EPS15: variants seen among roughly 807,000 people sequenced by gnomAD.
The protein encoded by EPS15 is epidermal growth factor receptor substrate 15.
EPS15 carries 72 observed loss-of-function variants against 113.8 expected under a neutral mutation model. That is an observed-to-expected ratio of 0.63 (90% CI 0.52 to 0.77). The LOEUF (loss-of-function observed/expected upper bound fraction) is 0.77. Ranked by LOEUF, EPS15 falls within the 30% of genes least tolerant of loss-of-function variation. The pLI is 0.00. For synonymous variants in EPS15, 344 were observed against 363.4 expected, an observed-to-expected ratio of 0.95 and a Z score of 0.61; for missense variants, 1,048 against 1,045.8, an observed-to-expected ratio of 1.00 and a Z score of -0.03.
At chr1:51,407,386 A>T in intron 15 of EPS15, among the ~76,000 whole-genome samples, 1 of 152,026 alleles carries the variant, frequency 6.6e-6, no homozygotes, top group Non-Finnish European at 1.5e-5. Flanking sequence ...TTTAGTAGAA[A>T]CAGAGTTTGG....
intron 1 of EPS15, among the ~76,000 whole-genome samples, chr1:51,503,507 T>C (rs778702854): frequency 3.3e-5 from 5 of 152,070 alleles, no homozygotes; most frequent in African/African-American, 9.7e-5. Context: ...CCAGGAATGG[T>C]GGCATGCGCC....
intron 8 of EPS15, 46 bp downstream of exon 8, chr1:51,461,045 A>C: frequency 7.9e-7 from 1 of 1,267,072 alleles, no homozygotes; most frequent in South Asian, 1.2e-5. Flanking sequence ...TGCACATGAG[A>C]AAATCATTAA....
At position 51,472,886 on chromosome 1, in the gene EPS15, T is replaced by C. The variant is rs768527986; in HGVS notation, c.138A>G (p.Ser46=). 2 of 1,613,614 alleles carry C rather than the reference T, an allele frequency of 1.2e-6. No individual in the cohort carries two copies. Among genetic ancestry groups the C allele is most frequent in the South Asian group, 1.1e-5 (1 of 91,072 alleles). ...ASDAAAFLKK[S]GLPDLILGKI... ...TTCCAAGTATCAAGTCTGGAAGCCC[T>C]GATTTTTTCAGGAAAGCAGCAGCAT... The change falls in exon 3 of 25, where the codon TCA becomes TCG. Residue 46 remains serine, a synonymous_variant. Transcript: ENST00000371733.
chr1:51,409,698 TAAA>T lies in EPS15; in HGVS notation c.1114-5_1114-3del. On this transcript the variant is annotated splice_polypyrimidine_tract_variant and splice_region_variant and intron_variant, in intron 13 of 24. Coordinates refer to ENST00000371733, the MANE Select transcript of EPS15 (RefSeq NM_001981.3). ...CCTTTGAACTTCATCTTGAAGATCC[TAAA>T]ATCCAAGAAAATTAATATATTTATT... 6.3e-7 allele frequency: 1 copy of T among 1,592,988 alleles called. No individual in the cohort carries two copies. The highest frequency in any genetic ancestry group is 1.1e-5 in the South Asian group (1 of 87,950).
rs576720983 is a variant in EPS15 at position 51,355,125 on chromosome 1, A to G, written c.*1575T>C. On this transcript the variant is annotated 3_prime_UTR_variant, in exon 25 of 25. Coordinates refer to ENST00000371733, the MANE Select transcript of EPS15 (RefSeq NM_001981.3). ...TTATGCAGAAATGTTTCTATTTACAAAGGTAGAAAAAAGTTAGCAGTGCAA... is the reference window on the plus strand; with the variant it reads ...TTATGCAGAAATGTTTCTATTTACAGAGGTAGAAAAAAGTTAGCAGTGCAA... 2 of 218,898 alleles carry G rather than the reference A, an allele frequency of 9.1e-6. No individual in the cohort carries two copies. Among genetic ancestry groups the G allele is most frequent in the South Asian group, 3.7e-4 (2 of 5,428 alleles). 13.6% of individuals were successfully genotyped at this position (218,898 alleles called of 1,614,324 possible).
chr1:51,421,357 A>G (rs1224263739), intron 13 of EPS15, among the ~76,000 whole-genome samples: 1 of 152,110 alleles, frequency 6.6e-6, no homozygotes, highest in Non-Finnish European at 1.5e-5. Flanking sequence ...GTCCTTTAAC[A>G]TACTAGGTCT....
At chr1:51,400,866 T>C in intron 19 of EPS15, 52 bp downstream of exon 19, 1 of 1,259,606 alleles carries the variant, frequency 7.9e-7, no homozygotes, top group Admixed American at 2.2e-5. Flanking sequence ...CATAAGCTTA[T>C]TATTAAGCAG....
chr1:51,401,491 G>C (rs1173356096), intron 18 of EPS15, among the ~76,000 whole-genome samples: 2 of 152,140 alleles, frequency 1.3e-5, no homozygotes, highest in Non-Finnish European at 2.9e-5. Context: ...ATGGATCAAA[G>C]ATCTAACTGT....
chr1:51,474,021 A>G (rs1289816182), intron 2 of EPS15, among the ~76,000 whole-genome samples: 1 of 152,202 alleles, frequency 6.6e-6, no homozygotes, highest in Admixed American at 6.5e-5. Context: ...TCCATACCCA[A>G]CACAGCCTAC....
chr1:51,465,122 A>G, intron 6 of EPS15, 139 bp downstream of exon 6: 1 of 490,276 alleles, frequency 2.0e-6, no homozygotes. Flanking sequence ...TCCCTCAGAA[A>G]CACCAGTAAC....
At chr1:51,437,360 C>T (rs1256778968) in intron 12 of EPS15, among the ~76,000 whole-genome samples, 1 of 151,566 alleles carries the variant, frequency 6.6e-6, no homozygotes, top group Non-Finnish European at 1.5e-5. Flanking sequence ...CTGAATTTTA[C>T]AATGAATATG....
At chr1:51,430,983 C>CACACACAT (rs1651671961) in intron 12 of EPS15, among the ~76,000 whole-genome samples, 1 of 85,546 alleles carries the variant, frequency 1.2e-5, no homozygotes, top group African/African-American at 6.6e-5. Context: ...TACATACACA[C>CACACACAT]ACACACACAC....
At chr1:51,397,425 C>T (rs1458388797) in intron 20 of EPS15, among the ~76,000 whole-genome samples, 1 of 152,070 alleles carries the variant, frequency 6.6e-6, no homozygotes, top group Non-Finnish European at 1.5e-5. Flanking sequence ...TCATGGGGGA[C>T]AGGACAAGAG....
At chr1:51,467,398 TTTAATAATGA>T (rs1409489137) in intron 5 of EPS15, among the ~76,000 whole-genome samples, 1 of 152,258 alleles carries the variant, frequency 6.6e-6, no homozygotes, top group East Asian at 1.9e-4. Context: ...GCAGCATTTT[TTTAATAATGA>T]AAGATTCAAA....
intron 20 of EPS15, 107 bp from the exon 21 acceptor site, chr1:51,394,554 G>T (rs1647723716): frequency 5.4e-6 from 3 of 557,918 alleles, no homozygotes; most frequent in Non-Finnish European, 9.3e-6. Context: ...ATTAATTAAG[G>T]AATATAGACA....
chr1:51,367,316 CAT>C (rs765999988), intron 21 of EPS15, among the ~76,000 whole-genome samples: 1 of 152,124 alleles, frequency 6.6e-6, no homozygotes, highest in African/African-American at 2.4e-5. Context: ...CTTTGGGAAA[CAT>C]AGGTGGGCAG....
chr1:51,429,383 C>T (rs1354143041), intron 12 of EPS15, among the ~76,000 whole-genome samples: 1 of 151,400 alleles, frequency 6.6e-6, no homozygotes, highest in Admixed American at 6.6e-5. Flanking sequence ...ATTTTAACCA[C>T]TTTAAGTGTA....
At chr1:51,507,013 G>A (rs997231673) in intron 1 of EPS15, among the ~76,000 whole-genome samples, 4 of 152,012 alleles carry the variant, frequency 2.6e-5, no homozygotes, top group Non-Finnish European at 2.9e-5. Flanking sequence ...AAATATGCTC[G>A]GTTTAATCCC....
At chr1:51,413,484 A>G (rs901987494) in intron 13 of EPS15, among the ~76,000 whole-genome samples, 3 of 152,228 alleles carry the variant, frequency 2.0e-5, no homozygotes, top group African/African-American at 7.2e-5. Context: ...GGAAAAACTA[A>G]TGGGAAACAC....
Sources: allele counts gnomAD v4.1 joint callset (sites outside exome capture counted in the v4.1 genomes callset), GRCh38; gene constraint gnomAD v4.1.1; transcripts MANE v1.5; gene names NCBI Gene and HGNC (gene_info 2026-07-23, HGNC 2026-07-21).